Variants in FSTL5 observed in about 807,000 individuals in gnomAD.
The protein encoded by FSTL5 is follistatin like 5, also known as follistatin-related protein 5.
Under a neutral mutation model 89.1 loss-of-function variants are expected in FSTL5, and 62 were observed. That is an observed-to-expected ratio of 0.70 (90% CI 0.57 to 0.86). FSTL5 has a LOEUF of 0.86. Ranked by LOEUF, FSTL5 falls within the 40% of genes least tolerant of loss-of-function variation. The pLI is 0.00. For missense variants in FSTL5, 1,057 were observed against 1,001.6 expected, an observed-to-expected ratio of 1.06 and a Z score of -0.75; for synonymous variants, 383 against 346.2, an observed-to-expected ratio of 1.11 and a Z score of -1.18.
chr4:162,010,713 G>A (rs1030568935), intron 3 of FSTL5, among the ~76,000 whole-genome samples: 24 of 152,100 alleles, frequency 1.6e-4, no homozygotes, highest in African/African-American at 5.1e-4. Context: ...CGCCTCTTGC[G>A]TTTGGCTTCT....
intron 6 of FSTL5, among the ~76,000 whole-genome samples, chr4:161,689,644 T>G: frequency 6.6e-6 from 1 of 152,164 alleles, no homozygotes; most frequent in East Asian, 1.9e-4. Context: ...ATTTTTTTAC[T>G]GAGATTAAAT....
chr4:161,442,537 T>C (rs1197333180), intron 15 of FSTL5, among the ~76,000 whole-genome samples: 1 of 152,120 alleles, frequency 6.6e-6, no homozygotes, highest in Admixed American at 6.6e-5. Context: ...GGCGAAGTTT[T>C]CAGTAAGATA....
chr4:161,980,203 G>C (rs989338896), intron 3 of FSTL5, among the ~76,000 whole-genome samples: 24 of 145,830 alleles, frequency 1.6e-4, no homozygotes, highest in African/African-American at 5.8e-4. Context: ...GAAGGAGAGA[G>C]AGAAAAAGGA....
intron 2 of FSTL5, among the ~76,000 whole-genome samples, chr4:162,085,022 C>T (rs1730253944): frequency 6.6e-6 from 1 of 151,888 alleles, no homozygotes; most frequent in Admixed American, 6.6e-5. Context: ...TAGCACATTG[C>T]CAGTATAGGG....
chr4:161,761,784 C>A (rs1740815108), intron 5 of FSTL5, among the ~76,000 whole-genome samples: 2 of 152,094 alleles, frequency 1.3e-5, no homozygotes, highest in Admixed American at 1.3e-4. Context: ...ATTTTTTAAG[C>A]CCTTATCATC....
intron 3 of FSTL5, among the ~76,000 whole-genome samples, chr4:162,030,180 A>G (rs925663542): frequency 6.6e-6 from 1 of 152,116 alleles, no homozygotes; most frequent in Non-Finnish European, 1.5e-5. Context: ...TTGGTCTCCC[A>G]AAGTGCTGAG....
chr4:161,832,259 A>C (rs183404024), intron 4 of FSTL5, among the ~76,000 whole-genome samples: 227 of 152,208 alleles, frequency 1.5e-3, no homozygotes, highest in Non-Finnish European at 2.5e-3. Context: ...GCTGTACAAT[A>C]GGACAGTGCA....
chr4:161,838,017 T>C (rs563212151), intron 4 of FSTL5, among the ~76,000 whole-genome samples: 26 of 152,330 alleles, frequency 1.7e-4, no homozygotes, highest in Admixed American at 5.9e-4. Context: ...TATTATTTTA[T>C]GGTTCTATGT....
chr4:161,995,943 C>T (rs1736282384), intron 3 of FSTL5, among the ~76,000 whole-genome samples: 1 of 151,940 alleles, frequency 6.6e-6, no homozygotes, highest in Non-Finnish European at 1.5e-5. Flanking sequence ...CCTAAAAAGG[C>T]CATACTCTTA....
At chr4:161,584,327 C>T (rs1359526306) in intron 8 of FSTL5, among the ~76,000 whole-genome samples, 1 of 152,186 alleles carries the variant, frequency 6.6e-6, no homozygotes, top group Non-Finnish European at 1.5e-5. Flanking sequence ...GTCTGTCTTT[C>T]TCTCTGTTTC....
chr4:161,645,195 C>T (rs4277738), intron 7 of FSTL5, among the ~76,000 whole-genome samples: 31,267 of 151,718 alleles, frequency 0.21, 3,928 homozygotes, highest in Non-Finnish European at 0.26. Context: ...GAAACACATG[C>T]TTTATACATT....
At chr4:161,820,210 T>C (rs1358006569) in intron 4 of FSTL5, among the ~76,000 whole-genome samples, 1 of 152,168 alleles carries the variant, frequency 6.6e-6, no homozygotes, top group Non-Finnish European at 1.5e-5. Flanking sequence ...AGCTCGAATG[T>C]ATTATTGGAA....
intron 1 of FSTL5, among the ~76,000 whole-genome samples, chr4:162,113,194 A>G (rs1731514092): frequency 6.6e-6 from 1 of 152,156 alleles, no homozygotes; most frequent in Non-Finnish European, 1.5e-5. Flanking sequence ...CAGCCCTCGT[A>G]GTATGCACAC....
chr4:161,739,685 A>G (rs1170986859), intron 6 of FSTL5, among the ~76,000 whole-genome samples: 1 of 152,132 alleles, frequency 6.6e-6, no homozygotes, highest in African/African-American at 2.4e-5. Flanking sequence ...ACCCAAAGGC[A>G]AAGGTAAACA....
intron 3 of FSTL5, among the ~76,000 whole-genome samples, chr4:162,019,043 G>T (rs973677044): frequency 2.0e-5 from 3 of 151,904 alleles, no homozygotes; most frequent in Non-Finnish European, 4.4e-5. Flanking sequence ...AATATTATTC[G>T]TGTTATTTGG....
intron 2 of FSTL5, among the ~76,000 whole-genome samples, chr4:162,089,124 C>A (rs571687281): frequency 4.7e-4 from 72 of 152,268 alleles, no homozygotes; most frequent in African/African-American, 1.6e-3. Flanking sequence ...CTCACCCTCT[C>A]ATGCTCTCTT....
intron 4 of FSTL5, among the ~76,000 whole-genome samples, chr4:161,887,770 GTCT>G (rs1362073790): frequency 2.6e-5 from 4 of 152,046 alleles, no homozygotes; most frequent in Non-Finnish European, 5.9e-5. Flanking sequence ...CTTAAGACTA[GTCT>G]TCTTAAGTCT....
At chr4:161,638,688 A>C (rs1735827274) in intron 7 of FSTL5, among the ~76,000 whole-genome samples, 1 of 135,958 alleles carries the variant, frequency 7.4e-6, no homozygotes, top group South Asian at 2.6e-4. Context: ...GGGCAGAGAC[A>C]CAACCAAAAA....
intron 11 of FSTL5, 148 bp downstream of exon 11, chr4:161,510,250 C>T: frequency 1.6e-6 from 1 of 615,134 alleles, no homozygotes; most frequent in South Asian, 2.0e-5. Context: ...GTAATGGTAG[C>T]AGGCTTACAC....
Sources: gnomAD v4.1 joint callset for allele counts (sites outside exome capture counted in the v4.1 genomes callset) on GRCh38, gnomAD v4.1.1 for gene constraint, MANE v1.5 for transcripts, NCBI Gene and HGNC (gene_info 2026-07-23, HGNC 2026-07-21) for gene names.